Variants in MAN1C1 observed in about 807,000 individuals in gnomAD.
MAN1C1 encodes mannosidase alpha class 1C member 1, also known as mannosyl-oligosaccharide 1,2-alpha-mannosidase IC.
Under a neutral mutation model 71.5 loss-of-function variants are expected in MAN1C1, and 49 were observed. That is an observed-to-expected ratio of 0.69 (90% CI 0.54 to 0.87). The LOEUF is 0.87. MAN1C1 is among the 40% of genes least tolerant of loss of function. The pLI is 0.00. For synonymous variants in MAN1C1, 352 were observed against 343.7 expected, an observed-to-expected ratio of 1.02 and a Z score of -0.27; for missense variants, 743 against 835.0, an observed-to-expected ratio of 0.89 and a Z score of 1.36.
chr1:25,626,367 T>TC lies in MAN1C1; in HGVS notation c.540+8030_540+8031insC, dbSNP rs1198995785. On this transcript the variant is annotated intron_variant, in intron 1 of 11. Coordinates refer to ENST00000374332, the MANE Select transcript of MAN1C1 (RefSeq NM_020379.4). ...TTTGCTATTTCTTTCTTTCTTTCTT[T>TC]TTTTTTTTTGAGATGGAGTCTTGCT... 1.3e-4 allele frequency among the ~76,000 whole-genome samples: 20 copies of TC among 151,950 alleles called. No individual in the cohort carries two copies. In the East Asian group the frequency reaches 2.3e-3, roughly 18 times the overall value.
Position 25,782,481 on chromosome 1 carries a change from G to A in MAN1C1, c.1651-104G>A. ...TCCCCAGCCAAGGGGTGGGGGTGCTGTCTGCTTTCTTCTAGCTCCAGCCTG... is the reference window on the plus strand; with the variant it reads ...TCCCCAGCCAAGGGGTGGGGGTGCTATCTGCTTTCTTCTAGCTCCAGCCTG... On this transcript the variant is annotated intron_variant, in intron 10 of 11. Coordinates refer to ENST00000374332, the MANE Select transcript of MAN1C1 (RefSeq NM_020379.4). This position sits in a 1 kb window ranked among gnomAD's most constrained non-coding sequence, Gnocchi z 4.4. 1 of 711,696 alleles carries A rather than the reference G, an allele frequency of 1.4e-6. No individual in the cohort carries two copies. The highest frequency in any genetic ancestry group is 2.7e-5 in the East Asian group (1 of 37,632). 44.1% of individuals were successfully genotyped at this position (711,696 alleles called of 1,614,324 possible).
intron 1 of MAN1C1, among the ~76,000 whole-genome samples, chr1:25,650,895 A>G (rs2045682108): frequency 6.6e-6 from 1 of 152,148 alleles, no homozygotes; most frequent in Non-Finnish European, 1.5e-5. Flanking sequence ...CCTATTTCAA[A>G]TCAGTTTTAA....
intron 1 of MAN1C1, among the ~76,000 whole-genome samples, chr1:25,636,554 T>TG (rs1249825745): frequency 6.6e-6 from 1 of 152,216 alleles, no homozygotes; most frequent in Non-Finnish European, 1.5e-5. Context: ...TCAGACCTTA[T>TG]GGTTGTCTTC....
At chr1:25,768,659 G>C (rs1475137941) in intron 7 of MAN1C1, among the ~76,000 whole-genome samples, 4 of 49,304 alleles carry the variant, frequency 8.1e-5, no homozygotes, top group African/African-American at 8.5e-5. Context: ...CACACACACA[G>C]ACCCACACAC....
chr1:25,625,911 T>G (rs1280918827), intron 1 of MAN1C1, among the ~76,000 whole-genome samples: 4 of 152,256 alleles, frequency 2.6e-5, no homozygotes, highest in Admixed American at 6.5e-5. Context: ...TTGAAATTGA[T>G]CCATATTGTG....
chr1:25,764,453 C>T lies in MAN1C1; in HGVS notation c.1141+486C>T, dbSNP rs1440811701. On this transcript the variant is annotated intron_variant, in intron 7 of 11. Coordinates refer to ENST00000374332, the MANE Select transcript of MAN1C1 (RefSeq NM_020379.4). This position sits in a 1 kb window ranked among gnomAD's most constrained non-coding sequence, Gnocchi z 4.4. ...TTTGAGACAGAGTCTCACTCTGTCA[C>T]CCAGGCCGGAGTGCAGTGGCACGAT... 6.6e-6 allele frequency among the ~76,000 whole-genome samples: 1 copy of T among 152,056 alleles called. No homozygotes were observed. The highest frequency in any genetic ancestry group is 1.5e-5 in the Non-Finnish European group (1 of 68,008).
intron 1 of MAN1C1, among the ~76,000 whole-genome samples, chr1:25,646,730 T>C (rs1168733732): frequency 6.6e-6 from 1 of 152,234 alleles, no homozygotes; most frequent in Non-Finnish European, 1.5e-5. Context: ...TGAAGTTCAC[T>C]GTGTTGTAGT....
At chr1:25,625,609 A>C (rs1450952399) in intron 1 of MAN1C1, among the ~76,000 whole-genome samples, 2 of 152,188 alleles carry the variant, frequency 1.3e-5, no homozygotes, top group Non-Finnish European at 2.9e-5. Context: ...TGAAGATAGA[A>C]GTTCAAGACC....
intron 1 of MAN1C1, among the ~76,000 whole-genome samples, chr1:25,667,730 C>G (rs1472475648): frequency 6.6e-6 from 1 of 152,180 alleles, no homozygotes; most frequent in Non-Finnish European, 1.5e-5. Flanking sequence ...AGCGCTTTAG[C>G]TCAGCAGTGT....
intron 6 of MAN1C1, among the ~76,000 whole-genome samples, chr1:25,762,785 C>G (rs546912735): frequency 6.6e-6 from 1 of 152,246 alleles, no homozygotes; most frequent in South Asian, 2.1e-4. Context: ...GATTCCACAT[C>G]TTGCCTATTT....
In MAN1C1 at chr1:25,735,415, T is replaced by A; in HGVS notation, c.638-11253T>A. Among the ~76,000 whole-genome samples, 1 of 152,218 alleles carries A rather than the reference T, an allele frequency of 6.6e-6. No individual in the cohort carries two copies. Among genetic ancestry groups the A allele is most frequent in the Non-Finnish European group, 1.5e-5 (1 of 68,028 alleles). On this transcript the variant is annotated intron_variant, in intron 2 of 11. Transcript: ENST00000374332. The surrounding 1 kb of genome is among the most constrained non-coding windows in gnomAD (Gnocchi z 4.6). ...TCCTGTGTGACAGAGCGAGACTGTG[T>A]CTCAAAATGTGTATGTATGTATGTG...
rs78034249 is a variant in MAN1C1 at position 25,698,149 on chromosome 1, C to T, written c.637+11613C>T. On this transcript the variant is annotated intron_variant, in intron 2 of 11. Coordinates refer to ENST00000374332, the MANE Select transcript of MAN1C1 (RefSeq NM_020379.4). The stretch of plus-strand genomic sequence containing the variant: ...CCTTCATCCTCTTCTCTTCACACTC[C>T]CTGGTGCCATGGGGTGGCCTCTGTT... Among the ~76,000 whole-genome samples, 1,486 of 152,270 alleles carry T rather than the reference C, an allele frequency of 9.8e-3. 27 individuals carry two copies. Among genetic ancestry groups the T allele is most frequent in the African/African-American group, 0.032 (1,321 of 41,538 alleles).
intron 1 of MAN1C1, among the ~76,000 whole-genome samples, chr1:25,656,014 G>C (rs778548597): frequency 3.3e-5 from 5 of 150,806 alleles, no homozygotes; most frequent in Non-Finnish European, 7.4e-5. Context: ...GGGTGCTCAG[G>C]AGCTGCCTCC....
At chr1:25,686,629 G>C in intron 2 of MAN1C1, 93 bp downstream of exon 2, 1 of 1,015,454 alleles carries the variant, frequency 9.8e-7, no homozygotes, top group Non-Finnish European at 1.5e-6. Flanking sequence ...CACCTCCTGA[G>C]CTGTGGGGGC....
intron 2 of MAN1C1, among the ~76,000 whole-genome samples, chr1:25,688,759 A>G (rs1213467666): frequency 6.6e-6 from 1 of 152,192 alleles, no homozygotes; most frequent in Admixed American, 6.5e-5. Context: ...CATCATTCAT[A>G]TGGGACTGCT....
chr1:25,704,582 G>A (rs573477976), intron 2 of MAN1C1, among the ~76,000 whole-genome samples: 1 of 152,344 alleles, frequency 6.6e-6, no homozygotes, highest in East Asian at 1.9e-4. Context: ...TACATGTGTA[G>A]AGGTGCTGGG....
intron 1 of MAN1C1, among the ~76,000 whole-genome samples, chr1:25,637,045 C>A (rs552466998): frequency 1.3e-5 from 2 of 152,210 alleles, no homozygotes; most frequent in South Asian, 4.1e-4. Flanking sequence ...ATCCCAGCTA[C>A]TTGGCCGGCT....
At chr1:25,653,151 C>T (rs1481791618) in intron 1 of MAN1C1, among the ~76,000 whole-genome samples, 2 of 151,572 alleles carry the variant, frequency 1.3e-5, no homozygotes, top group East Asian at 3.9e-4. Context: ...AATCTAAGCT[C>T]GCTGCGGTCT....
At chr1:25,741,233 G>A (rs1041042135) in intron 2 of MAN1C1, among the ~76,000 whole-genome samples, 1 of 152,142 alleles carries the variant, frequency 6.6e-6, no homozygotes, top group Admixed American at 6.5e-5. Flanking sequence ...GCCTGCCTCA[G>A]CCTCCCAGAG....
Sources: allele counts gnomAD v4.1 joint callset (sites outside exome capture counted in the v4.1 genomes callset), GRCh38; gene constraint gnomAD v4.1.1; non-coding constraint Gnocchi (gnomAD v3.1); transcripts MANE v1.5; gene names NCBI Gene and HGNC (gene_info 2026-07-23, HGNC 2026-07-21).